ZNF200: variants seen among roughly 807,000 people sequenced by gnomAD.
ZNF200 encodes zinc finger protein 200.
In ZNF200, 35 loss-of-function variants were observed where a neutral mutation model predicts 33.6. The ratio of observed to expected loss-of-function variants is 1.04; its 90% CI spans 0.80 to 1.38. ZNF200 has a LOEUF of 1.38. ZNF200 is among the 40% of genes most tolerant of loss of function. The probability of loss-of-function intolerance (pLI) is 0.00; values close to 1 mark genes in which losing one functional copy is unlikely to be tolerated. For synonymous variants in ZNF200, 209 were observed against 167.7 expected, an observed-to-expected ratio of 1.25 and a Z score of -1.90; for missense variants, 592 against 470.6, an observed-to-expected ratio of 1.26 and a Z score of -2.39.
rs1191928053 is a variant in ZNF200 at position 3,233,492 on chromosome 16, C to A, written c.250+14G>T. ...CCTCCTCCTCTTCTAGTGAAACAAG[C>A]ATGTGCTTCTCACCTCTGTTCTGAA... On this transcript the variant is annotated intron_variant, in intron 2 of 4. Coordinates refer to ENST00000414144, the MANE Select transcript of ZNF200 (RefSeq NM_198088.3). The A allele has an allele frequency of 8.6e-6, 13 of 1,510,758 alleles. No individual in the cohort carries two copies. The highest frequency in any genetic ancestry group is 1.1e-5 in the Non-Finnish European group (13 of 1,131,618). The allele number at this position is 1,510,758 out of a possible 1,614,324, so 93.6% of individuals were successfully genotyped here. A position where few individuals can be genotyped will look rare whatever the true frequency, so the allele number is the denominator to read the frequency against.
At chr16:3,232,090 C>T (rs1037057506) in intron 4 of ZNF200, among the ~76,000 whole-genome samples, 3 of 152,144 alleles carry the variant, frequency 2.0e-5, no homozygotes, top group African/African-American at 7.2e-5. Flanking sequence ...AAGAGTTAGT[C>T]ATGTGTTCAA....
At chr16:3,230,492 C>T (rs1321490750) in intron 4 of ZNF200, among the ~76,000 whole-genome samples, 1 of 152,090 alleles carries the variant, frequency 6.6e-6, no homozygotes, top group Non-Finnish European at 1.5e-5. Context: ...GGTGTATTCT[C>T]CTATCACAGC....
At chr16:3,233,904 C>T in intron 1 of ZNF200, 68 bp from the exon 2 acceptor site, 2 of 1,319,870 alleles carry the variant, frequency 1.5e-6, no homozygotes, top group Non-Finnish European at 1.0e-6. Flanking sequence ...CAATATGTGG[C>T]ATGGCTGGTG....
intron 4 of ZNF200, chr16:3,226,100 T>G (rs1422414828): frequency 2.0e-5 from 3 of 146,952 alleles, no homozygotes; most frequent in Non-Finnish European, 4.5e-5. Context: ...TCGCCCAGGT[T>G]GGAGTGCAAT....
At chr16:3,229,924 AT>A (rs1958591317) in intron 4 of ZNF200, among the ~76,000 whole-genome samples, 1 of 151,938 alleles carries the variant, frequency 6.6e-6, no homozygotes, top group African/African-American at 2.4e-5. Flanking sequence ...TCTCAAAAAA[AT>A]AAATAAATAA....
At position 3,223,655 on chromosome 16, in the gene ZNF200, A is replaced by G; in HGVS notation, c.*237T>C. On this transcript the variant is annotated 3_prime_UTR_variant, in exon 5 of 5. Transcript: ENST00000414144. ...CTGTACATTATCATATAACTTCAAA[A>G]AGGAAAGCTCCTTAGTCCAAAAAGC... is the stretch of plus-strand genomic sequence containing the variant. 1 of 493,900 alleles carries G rather than the reference A, an allele frequency of 2.0e-6. No individual in the cohort carries two copies. The allele number at this position is 493,900 out of a possible 1,614,324, so 30.6% of individuals were successfully genotyped here.
At chr16:3,233,933 A>C in intron 1 of ZNF200, 97 bp from the exon 2 acceptor site, 1 of 882,810 alleles carries the variant, frequency 1.1e-6, no homozygotes, top group Non-Finnish European at 1.6e-6. Context: ...TGAGATCTAA[A>C]GAAAACGACA....
rs934075568 is a variant in ZNF200 at position 3,222,469 on chromosome 16, A to G, written c.*1423T>C. ...AATAACTTTCCCATGTAAAAGCAAT[A>G]ATCAACTATAAAAATATAATGGAAA... is the stretch of plus-strand genomic sequence containing the variant. On this transcript the variant is annotated 3_prime_UTR_variant, in exon 5 of 5. Transcript: ENST00000414144. 1 of 152,222 alleles carries G rather than the reference A, an allele frequency of 6.6e-6. No individual in the cohort carries two copies. The highest frequency in any genetic ancestry group is 1.9e-4 in the East Asian group (1 of 5,206). The allele number at this position is 152,222 out of a possible 1,614,324, so 9.4% of individuals were successfully genotyped here. A position where few individuals can be genotyped will look rare whatever the true frequency, so the allele number is the denominator to read the frequency against.
chr16:3,230,851 T>C (rs1958617424), intron 4 of ZNF200, among the ~76,000 whole-genome samples: 1 of 152,242 alleles, frequency 6.6e-6, no homozygotes, highest in African/African-American at 2.4e-5. Context: ...CAATTCCACC[T>C]TCTTCACTAC....
rs1262300858 is a variant in ZNF200 at position 3,229,459 on chromosome 16, A to T, written c.466+2962T>A. On this transcript the variant is annotated intron_variant, in intron 4 of 4. Transcript: ENST00000414144. The stretch of plus-strand genomic sequence containing the variant: ...AAAAACTAGTAAGATTTAAGCAAAA[A>T]TAAACCAATTTCCATAGAGAAAATT... Among the ~76,000 whole-genome samples, 9 of 152,224 alleles carry T rather than the reference A, an allele frequency of 5.9e-5. No homozygotes were observed. In the East Asian group the frequency reaches 1.7e-3, roughly 29 times the overall value.
rs199524171 is a variant in ZNF200, at chr16:3,233,518, G to C, written c.238C>G (p.Leu80Val). 1 of 1,558,256 alleles carries C rather than the reference G, an allele frequency of 6.4e-7. No individual in the cohort carries two copies. Among genetic ancestry groups the C allele is most frequent in the African/African-American group, 1.4e-5 (1 of 73,160 alleles). ...ATGTGCTTCTCACCTCTGTTCTGAA[G>C]GCTTGAGCTCACATCTTTCATAATA... is the stretch of plus-strand genomic sequence containing the variant. ...LVIMKDVSSS[L>V]QNRVHPRPLV... The change falls in exon 2 of 5, where the codon CTT becomes GTT. Residue 80 changes from leucine to valine, a missense_variant. Coordinates refer to ENST00000414144, the MANE Select transcript of ZNF200 (RefSeq NM_198088.3).
chr16:3,229,493 C>CA (rs376400873), intron 4 of ZNF200, among the ~76,000 whole-genome samples: 1 of 151,784 alleles, frequency 6.6e-6, no homozygotes, highest in African/African-American at 2.4e-5. Flanking sequence ...TTGAAATTAT[C>CA]AAAAAAAGAC....
intron 4 of ZNF200, among the ~76,000 whole-genome samples, chr16:3,228,707 G>A (rs946089587): frequency 2.0e-5 from 3 of 151,676 alleles, no homozygotes. Context: ...TTGCTATGTT[G>A]GACAGGCTGG....
intron 4 of ZNF200, among the ~76,000 whole-genome samples, chr16:3,228,372 A>G (rs1958531847): frequency 6.6e-6 from 1 of 152,162 alleles, no homozygotes; most frequent in South Asian, 2.1e-4. Flanking sequence ...CTATTTTGTT[A>G]AATGTTCTTA....
intron 4 of ZNF200, among the ~76,000 whole-genome samples, chr16:3,231,429 C>T (rs1230328202): frequency 2.0e-5 from 3 of 152,186 alleles, no homozygotes. Flanking sequence ...CAGGCAACTT[C>T]TAAAACCTAT....
At chr16:3,232,752 C>A in intron 3 of ZNF200, 81 bp downstream of exon 3, 1 of 1,507,900 alleles carries the variant, frequency 6.6e-7, no homozygotes, top group Non-Finnish European at 9.1e-7. Flanking sequence ...AGGCCAACTC[C>A]TAAGAATGTG....
rs551646585 is a variant in ZNF200 at position 3,228,129 on chromosome 16, A to G, written c.467-3516T>C. Among the ~76,000 whole-genome samples, 4 of 151,512 alleles carry G rather than the reference A, an allele frequency of 2.6e-5. No homozygotes were observed. In the South Asian group the frequency reaches 8.3e-4, roughly 32 times the overall value. On this transcript the variant is annotated intron_variant, in intron 4 of 4. Coordinates refer to ENST00000414144, the MANE Select transcript of ZNF200 (RefSeq NM_198088.3). Reference sequence around the variant, plus strand: ...ATAAATTTGCACATTTCTTGAGTTTATTCCTAAGTATTTAAACTTTCATGT... The same window carrying G: ...ATAAATTTGCACATTTCTTGAGTTTGTTCCTAAGTATTTAAACTTTCATGT...
rs777353218 is a variant in ZNF200 at position 3,233,708 on chromosome 16, G to C, written c.48C>G (p.Ser16=). The C allele has an allele frequency of 1.2e-6, 2 of 1,613,462 alleles. No individual in the cohort carries two copies. Among genetic ancestry groups the C allele is most frequent in the Non-Finnish European group, 1.7e-6 (2 of 1,179,892 alleles). Residue 16 remains serine (S), a synonymous_variant, in exon 2 of 5, where the codon TCC becomes TCG. Transcript: ENST00000414144. ...AGTCTGGCGGAACTCTCAGTATAAA[G>C]GACTGCTTTGGCTTTGGGGGCATAG... is the stretch of plus-strand genomic sequence containing the variant. ...VVPMPPKPKQ[S]FILRVPPDSK...
At chr16:3,224,692 G>A in intron 4 of ZNF200, 79 bp from the exon 5 acceptor site, 1 of 1,496,294 alleles carries the variant, frequency 6.7e-7, no homozygotes, top group Non-Finnish European at 8.9e-7. Context: ...GGTTTCTTAT[G>A]CCACAGCCAC....
Sources: gnomAD v4.1 joint callset for allele counts (sites outside exome capture counted in the v4.1 genomes callset) on GRCh38, gnomAD v4.1.1 for gene constraint, MANE v1.5 for transcripts, NCBI Gene and HGNC (gene_info 2026-07-23, HGNC 2026-07-21) for gene names.